Variants in PCSK2 observed in about 807,000 individuals in gnomAD.
The protein encoded by PCSK2 is neuroendocrine convertase 2.
Under a neutral mutation model 69.7 loss-of-function variants are expected in PCSK2, and 14 were observed. The observed-to-expected ratio is 0.20, with a 90% CI of 0.13 to 0.31. The LOEUF is 0.31. PCSK2 is among the 10% of genes least tolerant of loss of function. The pLI, the probability that PCSK2 is intolerant of heterozygous loss-of-function variation, is 1.00. For synonymous variants in PCSK2, 307 were observed against 320.7 expected (o/e 0.96, Z 0.46); for missense variants, 544 against 842.5 (o/e 0.65, Z 4.39).
intron 1 of PCSK2, among the ~76,000 whole-genome samples, chr20:17,257,120 CAG>C (rs202093127): frequency 0.026 from 3,892 of 152,064 alleles, 61 homozygotes; most frequent in Middle Eastern, 0.044. Context: ...AGGATATGAA[CAG>C]ACACTTCTCA....
At chr20:17,339,377 A>G (rs1318856886) in intron 2 of PCSK2, among the ~76,000 whole-genome samples, 1 of 152,212 alleles carries the variant, frequency 6.6e-6, no homozygotes, top group African/African-American at 2.4e-5. Flanking sequence ...TTGCAGCAAC[A>G]GTAGCTGGAA....
chr20:17,379,790 A>T (rs569501937), intron 5 of PCSK2, among the ~76,000 whole-genome samples: 9 of 152,350 alleles, frequency 5.9e-5, no homozygotes, highest in African/African-American at 2.2e-4. Flanking sequence ...GCGCCTAATC[A>T]GTTGACTTTA....
intron 5 of PCSK2, among the ~76,000 whole-genome samples, chr20:17,395,413 G>A (rs189914941): frequency 6.6e-6 from 1 of 152,090 alleles, no homozygotes; most frequent in Non-Finnish European, 1.5e-5. Context: ...TCACAGTCTT[G>A]TACATTTTTT....
intron 1 of PCSK2, among the ~76,000 whole-genome samples, chr20:17,240,256 C>A (rs1439237609): frequency 6.6e-6 from 1 of 152,026 alleles, no homozygotes; most frequent in Admixed American, 6.5e-5. Flanking sequence ...AGGAGACTAA[C>A]CAAGGGAATG....
chr20:17,436,279 G>C (rs1424841821), intron 7 of PCSK2, among the ~76,000 whole-genome samples: 1 of 151,982 alleles, frequency 6.6e-6, no homozygotes, highest in East Asian at 1.9e-4. Flanking sequence ...CTGCCTGCTG[G>C]AATTTCTCCT....
chr20:17,287,431 C>CTGTCTGTGTG (rs373403452), intron 2 of PCSK2, among the ~76,000 whole-genome samples: 2 of 145,928 alleles, frequency 1.4e-5, no homozygotes, highest in African/African-American at 5.1e-5. Context: ...ATGTGCGTGT[C>CTGTCTGTGTG]TGTGTGTGTG....
intron 2 of PCSK2, among the ~76,000 whole-genome samples, chr20:17,351,359 A>G (rs113354962): frequency 6.6e-4 from 101 of 152,346 alleles, no homozygotes; most frequent in African/African-American, 2.2e-3. Flanking sequence ...CAAAGCCAGC[A>G]TCACCATGAT....
intron 1 of PCSK2, among the ~76,000 whole-genome samples, chr20:17,251,279 T>C (rs75002941): frequency 0.013 from 1,982 of 152,302 alleles, 33 homozygotes; most frequent in African/African-American, 0.044. Context: ...CTTAATATTA[T>C]CCAGAGTATA....
intron 11 of PCSK2, among the ~76,000 whole-genome samples, chr20:17,476,054 T>C (rs985235397): frequency 1.4e-4 from 21 of 152,236 alleles, no homozygotes; most frequent in Non-Finnish European, 2.5e-4. Context: ...CCTGGCTGCT[T>C]GTCTGCCTAG....
At chr20:17,249,746 A>C (rs1233856024) in intron 1 of PCSK2, among the ~76,000 whole-genome samples, 2 of 152,208 alleles carry the variant, frequency 1.3e-5, no homozygotes, top group Non-Finnish European at 2.9e-5. Context: ...GCAGGCACCA[A>C]CAGTCAAATA....
In PCSK2 at chr20:17,437,662, T is replaced by A. The variant is rs1004372437; in HGVS notation, c.885+779T>A. Among the ~76,000 whole-genome samples, 4 of 152,332 alleles carry A rather than the reference T, an allele frequency of 2.6e-5. No individual in the cohort carries two copies. In the East Asian group the frequency reaches 7.7e-4, roughly 29 times the overall value. ...CAACTGCTCGGCACTGAGAAGTGCC[T>A]GCAAAGAGTCAGAATTTGTCCCAGT... On this transcript the variant is annotated intron_variant, in intron 8 of 11. Transcript: ENST00000262545.
At chr20:17,300,439 T>A (rs1188631952) in intron 2 of PCSK2, among the ~76,000 whole-genome samples, 1 of 152,244 alleles carries the variant, frequency 6.6e-6, no homozygotes. Context: ...TTGCCCAGCC[T>A]ATCTGCATGA....
intron 2 of PCSK2, among the ~76,000 whole-genome samples, chr20:17,294,519 C>T (rs1988823881): frequency 6.6e-6 from 1 of 152,206 alleles, no homozygotes; most frequent in Non-Finnish European, 1.5e-5. Flanking sequence ...TGCCCTCACA[C>T]ATGAAGGTTA....
chr20:17,334,732 C>T (rs1277731710), intron 2 of PCSK2, among the ~76,000 whole-genome samples: 1 of 152,174 alleles, frequency 6.6e-6, no homozygotes, highest in Non-Finnish European at 1.5e-5. Flanking sequence ...AGGACCAGTA[C>T]TTCTCACCCA....
At chr20:17,424,592 A>G (rs1218974608) in intron 6 of PCSK2, among the ~76,000 whole-genome samples, 1 of 151,960 alleles carries the variant, frequency 6.6e-6, no homozygotes, top group Non-Finnish European at 1.5e-5. Context: ...TCTCTGGTTC[A>G]TGCGATTCTC....
At chr20:17,330,397 G>T (rs555957613) in intron 2 of PCSK2, among the ~76,000 whole-genome samples, 5 of 152,022 alleles carry the variant, frequency 3.3e-5, no homozygotes, top group Admixed American at 6.6e-5. Flanking sequence ...TTCGAGACCA[G>T]CCTGACCAAC....
chr20:17,348,486 C>T (rs892053510), intron 2 of PCSK2, among the ~76,000 whole-genome samples: 1 of 152,212 alleles, frequency 6.6e-6, no homozygotes, highest in Non-Finnish European at 1.5e-5. Flanking sequence ...TCACCACAAC[C>T]AAAGTACACA....
chr20:17,321,964 T>C (rs1200934161), intron 2 of PCSK2, among the ~76,000 whole-genome samples: 1 of 152,152 alleles, frequency 6.6e-6, no homozygotes, highest in Non-Finnish European at 1.5e-5. Flanking sequence ...TCTTGTGATG[T>C]ACCTCTCTGC....
intron 1 of PCSK2, among the ~76,000 whole-genome samples, chr20:17,243,717 C>T (rs1034253701): frequency 2.0e-5 from 3 of 152,172 alleles, no homozygotes; most frequent in Non-Finnish European, 2.9e-5. Context: ...AACAGCGCAT[C>T]AAGAAGCACA....
Sources: gnomAD v4.1 joint callset for allele counts (sites outside exome capture counted in the v4.1 genomes callset) on GRCh38, gnomAD v4.1.1 for gene constraint, MANE v1.5 for transcripts, NCBI Gene and HGNC (gene_info 2026-07-23, HGNC 2026-07-21) for gene names.